DNASE1: variants seen among roughly 807,000 people sequenced by gnomAD.
DNASE1 encodes the protein deoxyribonuclease 1.
Under a neutral mutation model 33.9 loss-of-function variants are expected in DNASE1, and 40 were observed. The observed-to-expected ratio is 1.18, with a 90% CI of 0.92 to 1.54. DNASE1 has a LOEUF of 1.54. Among genes scored for constraint, DNASE1 ranks in the 40% most tolerant of loss-of-function variants. The pLI, the probability that DNASE1 is intolerant of heterozygous loss-of-function variation, is 0.00. For synonymous variants in DNASE1, 216 were observed against 160.0 expected, an observed-to-expected ratio of 1.35 and a Z score of -2.64; for missense variants, 518 against 372.6, an observed-to-expected ratio of 1.39 and a Z score of -3.21.
chr16:3,663,034 C>G (rs1017014978), downstream of DNASE1: 4 of 1,288,288 alleles, frequency 3.1e-6, no homozygotes, highest in Admixed American at 6.5e-5. Context: ...ATGGGGGCCA[C>G]GCAGCATGCT....
chr16:3,656,868 G>C, intron 5 of DNASE1, 115 bp downstream of exon 5: 2 of 1,543,560 alleles, frequency 1.3e-6, no homozygotes, highest in South Asian at 1.2e-5. Flanking sequence ...CTGGGGCTTG[G>C]GTTTTCCATT....
chr16:3,659,289 C>G, downstream of DNASE1: 1 of 166,062 alleles, frequency 6.0e-6, no homozygotes, highest in South Asian at 1.5e-4. Flanking sequence ...CACTGAGTGT[C>G]TGATGAGGAC....
At chr16:3,612,576 G>C in intron 1 of DNASE1, among the ~76,000 whole-genome samples, 1 of 100,664 alleles carries the variant, frequency 9.9e-6, no homozygotes. Context: ...TTTAAGTAGA[G>C]ACGGGCGGTG....
At chr16:3,615,032 T>G (rs2041050668) in intron 1 of DNASE1, among the ~76,000 whole-genome samples, 1 of 152,204 alleles carries the variant, frequency 6.6e-6, no homozygotes, top group African/African-American at 2.4e-5. Context: ...AGAGTTTTCT[T>G]AAACCTGAGA....
chr16:3,614,062 G>A (rs1321831646), intron 1 of DNASE1, among the ~76,000 whole-genome samples: 1 of 151,896 alleles, frequency 6.6e-6, no homozygotes, highest in Admixed American at 6.6e-5. Context: ...ACAGGCGCCC[G>A]CCACCACACC....
exon 10 of DNASE1, chr16:3,664,309 G>A (rs1043108054): frequency 1.2e-6 from 2 of 1,610,782 alleles, no homozygotes; most frequent in Non-Finnish European, 1.7e-6. Flanking sequence ...TCATAGTAGG[G>A]TGAGTGCTCT....
upstream of DNASE1, among the ~76,000 whole-genome samples, chr16:3,641,962 C>T (rs1300071912): frequency 3.3e-5 from 5 of 152,248 alleles, no homozygotes; most frequent in Non-Finnish European, 7.3e-5. Context: ...AAATACAGCA[C>T]TGCCTTGGCC....
downstream of DNASE1, chr16:3,658,824 T>C (rs2042885861): frequency 6.2e-7 from 1 of 1,613,942 alleles, no homozygotes; most frequent in Non-Finnish European, 8.5e-7. Context: ...CAGGCCAGGC[T>C]CGCTTGCGCG....
At position 3,657,745 on chromosome 16, in the gene DNASE1, C is replaced by T. The variant is rs201571412; in HGVS notation, c.730C>T (p.Arg244Ter). 24 of 1,613,924 alleles carry T rather than the reference C, an allele frequency of 1.5e-5. No individual in the cohort carries two copies. Among genetic ancestry groups the T allele is most frequent in the Admixed American group, 8.3e-5 (5 of 59,996 alleles). ...DRIVVAGMLL[R>*]GAVVPDSALP... Reference sequence around the variant, plus strand: ...GATCGTGGTTGCAGGGATGCTGCTCCGAGGCGCCGTTGTTCCCGACTCGGC... The same window carrying T: ...GATCGTGGTTGCAGGGATGCTGCTCTGAGGCGCCGTTGTTCCCGACTCGGC... Residue 244 changes from arginine to a stop codon, truncating the protein, a stop_gained, in exon 8 of 9, where the codon CGA (arginine) becomes TGA (stop). Coordinates refer to ENST00000246949, the MANE Select transcript of DNASE1 (RefSeq NM_005223.4). LOFTEE classifies it high-confidence loss of function.
upstream of DNASE1, among the ~76,000 whole-genome samples, chr16:3,638,843 C>T (rs977751116): frequency 1.3e-5 from 2 of 152,174 alleles, no homozygotes; most frequent in Non-Finnish European, 2.9e-5. Context: ...GCTATGTCTT[C>T]AAATTCATGG....
chr16:3,639,728 G>T (rs532059926), upstream of DNASE1, among the ~76,000 whole-genome samples: 18 of 152,246 alleles, frequency 1.2e-4, 1 homozygote, highest in South Asian at 3.7e-3. Flanking sequence ...TGATAGGCCC[G>T]GTTATTTTTT....
exon 10 of DNASE1, chr16:3,664,261 A>T: frequency 6.5e-7 from 1 of 1,543,522 alleles, no homozygotes; most frequent in East Asian, 2.4e-5. Flanking sequence ...CGCCCCACCC[A>T]CCGCTCACCC....
chr16:3,659,763 A>AGATAGAT (rs1555461140), downstream of DNASE1: 1 of 151,028 alleles, frequency 6.6e-6, no homozygotes, highest in East Asian at 2.0e-4. Flanking sequence ...ATAGATAGAT[A>AGATAGAT]GATAGATAGA....
rs768214589 is a variant in DNASE1 at position 3,655,502 on chromosome 16, C to T, written c.129C>T (p.Leu43=). 7 of 1,614,020 alleles carry T rather than the reference C, an allele frequency of 4.3e-6. No homozygotes were observed. Among genetic ancestry groups the T allele is most frequent in the Admixed American group, 1.7e-5 (1 of 60,002 alleles). The change falls in exon 2 of 9, where the codon CTC becomes CTT. Residue 43 remains leucine (L), a synonymous_variant. Coordinates refer to ENST00000246949, the MANE Select transcript of DNASE1 (RefSeq NM_005223.4). ...AGACCAAGATGTCCAATGCCACCCT[C>T]GTCAGCTACATTGTGCAGGTGAGGC... ...FGETKMSNAT[L]VSYIVQILSR... is the part of the protein sequence containing the mutation.
At chr16:3,653,826 A>AAAAAAAAAAAAAAAACAAAAAAAAAAAC (rs1567205849), upstream of DNASE1, 14 of 144,904 alleles carry the variant, frequency 9.7e-5, no homozygotes, top group African/African-American at 3.7e-4. Flanking sequence ...AAAAAAAAAA[A>AAAAAAAAAAAAAAAACAAAAAAAAAAAC]AAAAAAAAAA....
chr16:3,638,797 A>AT (rs576326003), upstream of DNASE1, among the ~76,000 whole-genome samples: 1,185 of 152,086 alleles, frequency 7.8e-3, 14 homozygotes, highest in South Asian at 0.029. Context: ...GTGTCCAATA[A>AT]TTTTTTCTCT....
rs1407948164 is a variant in DNASE1 at position 3,654,967 on chromosome 16, G to A, written c.-79G>A. On this transcript the variant is annotated 5_prime_UTR_variant, in exon 1 of 9. Transcript: ENST00000246949. ...CTTTTTTTTCTTTAAGCAGCAAAAGGAGAAAATTGTCATCAAAGGATATTC... is the reference window on the plus strand; with the variant it reads ...CTTTTTTTTCTTTAAGCAGCAAAAGAAGAAAATTGTCATCAAAGGATATTC... 6.5e-6 allele frequency: 3 copies of A among 460,084 alleles called. No individual in the cohort carries two copies. Among genetic ancestry groups the A allele is most frequent in the African/African-American group, 2.0e-5 (1 of 50,024 alleles). 28.5% of individuals were successfully genotyped at this position (460,084 alleles called of 1,614,324 possible).
intron 1 of DNASE1, among the ~76,000 whole-genome samples, chr16:3,631,794 AT>A (rs1310044018): frequency 6.6e-6 from 1 of 152,214 alleles, no homozygotes; most frequent in Non-Finnish European, 1.5e-5. Context: ...AAGTGCTGAG[AT>A]TACAGGCATG....
intron 1 of DNASE1, among the ~76,000 whole-genome samples, chr16:3,614,827 A>G (rs2151150677): frequency 1.3e-5 from 2 of 152,362 alleles, no homozygotes; most frequent in Admixed American, 1.3e-4. Context: ...TGGCTGGGTT[A>G]TGAAGGATAA....
Sources: gnomAD v4.1 joint callset for allele counts (sites outside exome capture counted in the v4.1 genomes callset) on GRCh38, gnomAD v4.1.1 for gene constraint, MANE v1.5 for transcripts, NCBI Gene and HGNC (gene_info 2026-07-23, HGNC 2026-07-21) for gene names.